Variants in SEMA6D observed in about 807,000 individuals in gnomAD.
The protein encoded by SEMA6D is semaphorin 6D, also known as semaphorin-6D.
In SEMA6D, 35 loss-of-function variants were observed where a neutral mutation model predicts 106.6. The ratio of observed to expected loss-of-function variants is 0.33; its 90% CI spans 0.25 to 0.44. The LOEUF is 0.44. SEMA6D is among the 20% of genes least tolerant of loss of function. The pLI, the probability that SEMA6D is intolerant of heterozygous loss-of-function variation, is 1.00. For synonymous variants in SEMA6D, 499 were observed against 487.7 expected (o/e 1.02, Z -0.31); for missense variants, 1,185 against 1,345.9 (o/e 0.88, Z 1.87).
At chr15:47,380,909 A>G (rs530345325) in intron 1 of SEMA6D, among the ~76,000 whole-genome samples, 2 of 152,390 alleles carry the variant, frequency 1.3e-5, no homozygotes, top group Admixed American at 6.5e-5. Flanking sequence ...CTTCCAGTCA[A>G]AATAGTTGGA....
At chr15:47,471,927 T>TCACACA (rs1335912335) in intron 3 of SEMA6D, among the ~76,000 whole-genome samples, 15 of 114,000 alleles carry the variant, frequency 1.3e-4, no homozygotes, top group East Asian at 2.6e-4. Flanking sequence ...TCTCTCTCTC[T>TCACACA]CTCTCACACA....
chr15:47,734,229 A>T (rs2146804574), intron 1 of SEMA6D, among the ~76,000 whole-genome samples: 1 of 152,310 alleles, frequency 6.6e-6, no homozygotes, highest in Admixed American at 6.5e-5. Context: ...TCACTCACTT[A>T]TTCATTCATT....
chr15:47,692,853 A>G (rs1370463119), intron 4 of SEMA6D, among the ~76,000 whole-genome samples: 1 of 152,188 alleles, frequency 6.6e-6, no homozygotes, highest in Admixed American at 6.5e-5. Flanking sequence ...ATCTGTAATG[A>G]TAGGCTGAAA....
At chr15:47,250,014 T>A (rs2033420920) in intron 1 of SEMA6D, among the ~76,000 whole-genome samples, 2 of 152,194 alleles carry the variant, frequency 1.3e-5, no homozygotes, top group South Asian at 4.1e-4. Context: ...CTCAGAGTTA[T>A]GAAACAGATT....
chr15:47,264,338 A>G (rs566410127), intron 1 of SEMA6D, among the ~76,000 whole-genome samples: 74 of 70,378 alleles, frequency 1.1e-3, no homozygotes, highest in Non-Finnish European at 2.4e-3. Flanking sequence ...CTGAATTTAA[A>G]AGGTTTTTTT....
intron 3 of SEMA6D, among the ~76,000 whole-genome samples, chr15:47,494,721 A>C (rs2043581115): frequency 8.3e-6 from 1 of 119,958 alleles, no homozygotes; most frequent in Non-Finnish European, 1.7e-5. Context: ...TACATTTAAA[A>C]ATCTGGAGAG....
chr15:47,522,697 C>T (rs749675658), intron 3 of SEMA6D, among the ~76,000 whole-genome samples: 13 of 152,236 alleles, frequency 8.5e-5, no homozygotes, highest in Middle Eastern at 6.8e-3. Flanking sequence ...GCCTTTGTGG[C>T]CTTTGTGTGG....
chr15:47,481,268 G>T (rs2043146204), intron 3 of SEMA6D, among the ~76,000 whole-genome samples: 1 of 152,076 alleles, frequency 6.6e-6, no homozygotes, highest in Non-Finnish European at 1.5e-5. Flanking sequence ...CAGTTGCAGG[G>T]TTCTAAAACT....
chr15:47,520,293 G>T (rs1336558295), intron 3 of SEMA6D, among the ~76,000 whole-genome samples: 1 of 152,236 alleles, frequency 6.6e-6, no homozygotes, highest in Admixed American at 6.5e-5. Flanking sequence ...GTAAAGGAGT[G>T]CTATGGGGAA....
At chr15:47,549,487 C>G (rs1294641659) in intron 3 of SEMA6D, among the ~76,000 whole-genome samples, 1 of 152,082 alleles carries the variant, frequency 6.6e-6, no homozygotes, top group African/African-American at 2.4e-5. Context: ...GTATAGTGAG[C>G]CTGTGGTGAC....
At position 47,184,487 on chromosome 15, in the gene SEMA6D, T is replaced by C. The variant is rs558477743; in HGVS notation, c.-239+69T>C. 8.3e-4 allele frequency: 127 copies of C among 152,300 alleles called. 1 individual carries two copies. Among genetic ancestry groups the C allele is most frequent in the African/African-American group, 2.8e-3 (116 of 41,570 alleles). The allele number at this position is 152,300 out of a possible 1,614,324, so 9.4% of individuals were successfully genotyped here. A position where few individuals can be genotyped will look rare whatever the true frequency, so the allele number is the denominator to read the frequency against. ...CTTCTTTATCTGCGAAGCGAGGAGC[T>C]GCTGACGGAGGTTCTGCGCGAAAAG... On this transcript the variant is annotated intron_variant, in intron 1 of 19. Transcript: ENST00000558014.
At chr15:47,184,212 A>T (rs976286435) in exon 1 of SEMA6D, 1 of 152,904 alleles carries the variant, frequency 6.5e-6, no homozygotes, top group African/African-American at 2.4e-5. Context: ...ACCCACCAGG[A>T]CTAGGAGGCA....
intron 4 of SEMA6D, among the ~76,000 whole-genome samples, chr15:47,662,520 A>G (rs1388849103): frequency 1.3e-5 from 2 of 152,210 alleles, no homozygotes; most frequent in East Asian, 3.9e-4. Context: ...ATTTTTGTGC[A>G]TCTTTCTTAG....
In SEMA6D at chr15:47,638,331, A is replaced by G. The variant is rs575044121; in HGVS notation, c.-55+37435A>G. On this transcript the variant is annotated intron_variant, in intron 4 of 19. Coordinates refer to the SEMA6D transcript ENST00000558014. ...ATGAGGCAGGATGTGAAACTCATTG[A>G]GACCTTCCAATGACAAGCACGGTAA... Among the ~76,000 whole-genome samples the G allele has an allele frequency of 2.0e-5, 3 of 152,286 alleles. No homozygotes were observed. In the South Asian group the frequency reaches 6.2e-4, roughly 32 times the overall value.
chr15:47,198,409 G>A (rs1016214606), intron 1 of SEMA6D, among the ~76,000 whole-genome samples: 1 of 152,010 alleles, frequency 6.6e-6, no homozygotes, highest in Non-Finnish European at 1.5e-5. Flanking sequence ...TATTTTTCAG[G>A]ATTTGATATT....
chr15:47,545,810 G>A (rs953737392), intron 3 of SEMA6D, among the ~76,000 whole-genome samples: 1 of 152,082 alleles, frequency 6.6e-6, no homozygotes, highest in Non-Finnish European at 1.5e-5. Flanking sequence ...TTTTGTTCCA[G>A]TTTAGATTTT....
At chr15:47,611,144 T>TAC (rs1271225300) in intron 4 of SEMA6D, among the ~76,000 whole-genome samples, 3 of 112,536 alleles carry the variant, frequency 2.7e-5, no homozygotes, top group East Asian at 2.6e-4. Context: ...GCCACCGTCC[T>TAC]ACATACACAC....
At chr15:47,674,079 G>A (rs1311160036) in intron 4 of SEMA6D, among the ~76,000 whole-genome samples, 2 of 152,082 alleles carry the variant, frequency 1.3e-5, no homozygotes, top group Non-Finnish European at 2.9e-5. Context: ...TGGGACAGCC[G>A]TGTCTCAACA....
At chr15:47,245,843 A>G (rs373073927) in intron 1 of SEMA6D, among the ~76,000 whole-genome samples, 2 of 152,162 alleles carry the variant, frequency 1.3e-5, no homozygotes, top group South Asian at 2.1e-4. Flanking sequence ...GTAAATATCC[A>G]TCAAGAAAAA....
Sources: gnomAD v4.1 joint callset for allele counts (sites outside exome capture counted in the v4.1 genomes callset) on GRCh38, gnomAD v4.1.1 for gene constraint, MANE v1.5 for transcripts, NCBI Gene and HGNC (gene_info 2026-07-23, HGNC 2026-07-21) for gene names.